Variants in RGL1 observed in about 807,000 individuals in gnomAD.
RGL1 encodes the protein ral guanine nucleotide dissociation stimulator-like 1.
A neutral mutation model predicts 95.2 loss-of-function variants in RGL1; 24 were observed. That is an observed-to-expected ratio of 0.25 (90% CI 0.18 to 0.35). The LOEUF (loss-of-function observed/expected upper bound fraction) is 0.35, where lower values mean the gene tolerates loss of function less well. Ranked by LOEUF, RGL1 falls within the 10% of genes least tolerant of loss-of-function variation. RGL1 has a pLI of 1.00. For missense variants in RGL1, 715 were observed against 936.3 expected, an observed-to-expected ratio of 0.76 and a Z score of 3.08; for synonymous variants, 329 against 344.9, an observed-to-expected ratio of 0.95 and a Z score of 0.51.
At chr1:183,689,815 G>A (rs961378422) in intron 1 of RGL1, among the ~76,000 whole-genome samples, 1 of 152,146 alleles carries the variant, frequency 6.6e-6, no homozygotes, top group Non-Finnish European at 1.5e-5. Flanking sequence ...GGGATGGGTT[G>A]ATTATGCAAT....
At chr1:183,911,888 G>A in intron 14 of RGL1, among the ~76,000 whole-genome samples, 194 bp from the exon 15 acceptor site, 1 of 152,120 alleles carries the variant, frequency 6.6e-6, no homozygotes, top group East Asian at 1.9e-4. Context: ...CTTTGAAGTT[G>A]GAAATACTCT....
Position 183,926,154 on chromosome 1 carries a change from A to G in RGL1, c.2169A>G (p.Gln723=). ...SANVFYAMNS[Q]VNFDFILRKK... ...ATGTCTTTTATGCCATGAACAGCCA[A>G]GTGAACTTTGACTTCATTTTGCGCA... The change falls in exon 18 of 18, where the codon CAA becomes CAG. Residue 723 remains glutamine, a synonymous_variant. Transcript: ENST00000360851. The G allele has an allele frequency of 6.2e-7, 1 of 1,614,148 alleles. No homozygotes were observed. The highest frequency in any genetic ancestry group is 8.5e-7 in the Non-Finnish European group (1 of 1,179,988).
Position 183,756,746 on chromosome 1 carries a change from C to T in RGL1, c.132+14457C>T, listed in dbSNP as rs188953176. 1.5e-3 allele frequency among the ~76,000 whole-genome samples: 229 copies of T among 152,238 alleles called. 2 individuals are homozygous for T. Among genetic ancestry groups the T allele is most frequent in the Non-Finnish European group, 2.5e-3 (169 of 68,014 alleles). ...ACTGTCTGTCCTTCAGACCAGGCCT[C>T]TTAGTCTTCTTCTTTTTAAAAAATT... On this transcript the variant is annotated intron_variant, in intron 2 of 18. Transcript: ENST00000304685.
chr1:183,914,929 TA>T (rs1162332389), intron 15 of RGL1, among the ~76,000 whole-genome samples: 1 of 152,240 alleles, frequency 6.6e-6, no homozygotes, highest in Non-Finnish European at 1.5e-5. Flanking sequence ...CTTATGCTAT[TA>T]ACTTATCTAT....
chr1:183,806,417 G>C lies in RGL1; in HGVS notation c.70G>C (p.Val24Leu). The change falls in exon 2 of 18, where the codon GTT becomes CTT. Residue 24 changes from valine (V) to leucine (L), a missense_variant. By Grantham distance (32) the Val-to-Leu change is conservative. This residue lies in a region of RGL1 where 381 missense variants were observed against 484.8 expected (regional missense o/e 0.79). Coordinates refer to ENST00000360851, the MANE Select transcript of RGL1 (RefSeq NM_001297671.3). ...GGGTGAAGAGGTAGAGGAAGGAGCTGTTTACCATGTCACCCTCAAAAGAGT... is the reference window on the plus strand; with the variant it reads ...GGGTGAAGAGGTAGAGGAAGGAGCTCTTTACCATGTCACCCTCAAAAGAGT... The part of the protein sequence containing the change: ...DWGEEVEEGA[V>L]YHVTLKRVQI... The C allele has an allele frequency of 6.2e-7, 1 of 1,614,064 alleles. No homozygotes were observed. Among genetic ancestry groups the C allele is most frequent in the Non-Finnish European group, 8.5e-7 (1 of 1,180,010 alleles).
At position 183,724,734 on chromosome 1, in the gene RGL1, G is replaced by T. The variant is rs376631205; in HGVS notation, c.-32-17392G>T. The stretch of plus-strand genomic sequence containing the variant: ...TATCTCTGGACCTGCCTGGGGCCTG[G>T]GGGGAGCTTGCCATCCTTAAGCGAA... On this transcript the variant is annotated intron_variant, in intron 1 of 18. Transcript: ENST00000304685. The surrounding 1 kb of genome is among the most constrained non-coding windows in gnomAD (Gnocchi z 4.1). 6.6e-6 allele frequency among the ~76,000 whole-genome samples: 1 copy of T among 152,082 alleles called. No individual in the cohort carries two copies. The highest frequency in any genetic ancestry group is 1.5e-5 in the Non-Finnish European group (1 of 68,014).
intron 9 of RGL1, 98 bp downstream of exon 9, chr1:183,892,259 CA>C (rs770540212): frequency 3.6e-6 from 3 of 842,054 alleles, no homozygotes; most frequent in Non-Finnish European, 5.4e-6. Flanking sequence ...CCTTCAACTC[CA>C]AAGAAAGCCT....
chr1:183,657,560 G>A (rs573634986), intron 1 of RGL1, among the ~76,000 whole-genome samples: 27 of 146,648 alleles, frequency 1.8e-4, no homozygotes, highest in East Asian at 1.8e-3. Context: ...TTGTCCTTGC[G>A]ATAGTTTGCT....
At chr1:183,704,511 A>G (rs573565692) in intron 1 of RGL1, among the ~76,000 whole-genome samples, 1 of 152,124 alleles carries the variant, frequency 6.6e-6, no homozygotes, top group Non-Finnish European at 1.5e-5. Flanking sequence ...GGTGTCCTTG[A>G]TGTAGGAAGG....
At chr1:183,788,840 G>T (rs2102372725) in intron 2 of RGL1, among the ~76,000 whole-genome samples, 1 of 152,208 alleles carries the variant, frequency 6.6e-6, no homozygotes, top group South Asian at 2.1e-4. Context: ...AACTAGGGGG[G>T]CACGTCCAGG....
chr1:183,917,358 G>A (rs1226621299), intron 16 of RGL1, among the ~76,000 whole-genome samples: 1 of 152,222 alleles, frequency 6.6e-6, no homozygotes, highest in Non-Finnish European at 1.5e-5. Context: ...CTCTCATGGC[G>A]ATAACCTTGG....
At chr1:183,909,193 A>G (rs577040362) in intron 14 of RGL1, among the ~76,000 whole-genome samples, 2 of 152,324 alleles carry the variant, frequency 1.3e-5, no homozygotes, top group African/African-American at 2.4e-5. Flanking sequence ...GGGTGTTTGC[A>G]TACCATTATT....
At chr1:183,693,075 C>A (rs1419879267) in intron 1 of RGL1, among the ~76,000 whole-genome samples, 3 of 152,032 alleles carry the variant, frequency 2.0e-5, no homozygotes, top group African/African-American at 7.3e-5. Flanking sequence ...CTGCCCCAGC[C>A]TACTGAGTAG....
chr1:183,806,345 T>C, intron 1 of RGL1, 30 bp from the exon 2 acceptor site: 1 of 1,579,888 alleles, frequency 6.3e-7, no homozygotes, highest in South Asian at 1.1e-5. Context: ...AAAATACTCT[T>C]TTTCTTTCTC....
chr1:183,755,985 G>A (rs530815492), intron 2 of RGL1, among the ~76,000 whole-genome samples: 2 of 151,382 alleles, frequency 1.3e-5, no homozygotes, highest in African/African-American at 4.9e-5. Context: ...CCGGGTTCAA[G>A]CGAGTCTCCT....
At chr1:183,709,841 T>G (rs966697541) in intron 1 of RGL1, 1 of 164,162 alleles carries the variant, frequency 6.1e-6, no homozygotes, top group African/African-American at 2.4e-5. Context: ...GGCCCTGAGT[T>G]GGGGGAATTG....
intron 4 of RGL1, among the ~76,000 whole-genome samples, chr1:183,878,972 T>G (rs1666673076): frequency 6.6e-6 from 1 of 152,252 alleles, no homozygotes; most frequent in African/African-American, 2.4e-5. Flanking sequence ...GGTGCAAAAC[T>G]CTTTTTCTGT....
intron 14 of RGL1, among the ~76,000 whole-genome samples, chr1:183,910,749 T>G (rs1668599770): frequency 6.6e-6 from 1 of 152,262 alleles, no homozygotes; most frequent in Non-Finnish European, 1.5e-5. Context: ...GAGGTTTTAG[T>G]TTAAGTCACC....
intron 1 of RGL1, among the ~76,000 whole-genome samples, chr1:183,639,692 C>T (rs1290323416): frequency 3.9e-5 from 5 of 128,242 alleles, no homozygotes; most frequent in Non-Finnish European, 6.5e-5. Context: ...AACTAAAAAC[C>T]TGTAAGCCAA....
Sources: allele counts gnomAD v4.1 joint callset (sites outside exome capture counted in the v4.1 genomes callset), GRCh38; gene constraint gnomAD v4.1.1; regional missense constraint gnomAD v4.1.1; non-coding constraint Gnocchi (gnomAD v3.1); transcripts MANE v1.5; gene names NCBI Gene and HGNC (gene_info 2026-07-23, HGNC 2026-07-21).